GDNF: variants seen among roughly 807,000 people sequenced by gnomAD.
The protein encoded by GDNF is glial cell derived neurotrophic factor.
A neutral mutation model predicts 13.7 loss-of-function variants in GDNF; 5 were observed. The ratio of observed to expected loss-of-function variants is 0.36; its 90% confidence interval spans 0.19 to 0.77. GDNF has a LOEUF of 0.77. Among genes scored for constraint, GDNF ranks in the 30% least tolerant of loss-of-function variants. The probability of loss-of-function intolerance (pLI) is 0.51; values close to 1 mark genes in which losing one functional copy is unlikely to be tolerated. For synonymous variants in GDNF, 122 were observed against 112.5 expected, an observed-to-expected ratio of 1.08 and a Z score of -0.53; for missense variants, 246 against 274.3, an observed-to-expected ratio of 0.90 and a Z score of 0.73.
intron 2 of GDNF, among the ~76,000 whole-genome samples, chr5:37,822,825 T>C (rs1286980704): frequency 6.6e-6 from 1 of 152,198 alleles, no homozygotes; most frequent in African/African-American, 2.4e-5. Flanking sequence ...CAACTTAAAA[T>C]TGATACAACT....
chr5:37,821,694 C>T (rs999555467), intron 2 of GDNF, among the ~76,000 whole-genome samples: 1 of 152,088 alleles, frequency 6.6e-6, no homozygotes, highest in East Asian at 1.9e-4. Flanking sequence ...ACTCTGGGAA[C>T]AAACAGTTCA....
In GDNF at chr5:37,815,127, C is replaced by A. The variant is rs956727715; in HGVS notation, c.*524G>T. The A allele has an allele frequency of 1.9e-5, 3 of 157,280 alleles. No individual in the cohort carries two copies. Among genetic ancestry groups the A allele is most frequent in the African/African-American group, 7.2e-5 (3 of 41,458 alleles). 9.7% of individuals were successfully genotyped at this position (157,280 alleles called of 1,614,324 possible). A position where few individuals can be genotyped will look rare whatever the true frequency, so the allele number is the denominator to read the frequency against. On this transcript the variant is annotated 3_prime_UTR_variant, in exon 3 of 3. Coordinates refer to ENST00000326524, the MANE Select transcript of GDNF (RefSeq NM_000514.4). The surrounding 1 kb of genome is among the most constrained non-coding windows in gnomAD (Gnocchi z 5.0). ...TATCTTTGCTTTTTTTTTCCCCTCT[C>A]CTTTCCAGGGTATGTCTCCACTGAG...
At position 37,839,251 on chromosome 5, in the gene GDNF, C is replaced by A. The variant is rs1195951048; in HGVS notation, c.-27+256G>T. Among the ~76,000 whole-genome samples, 1 of 152,204 alleles carries A rather than the reference C, an allele frequency of 6.6e-6. No individual in the cohort carries two copies. The highest frequency in any genetic ancestry group is 6.5e-5 in the Admixed American group (1 of 15,286). The stretch of plus-strand genomic sequence containing the variant: ...CCCTCTTGGGCATTCCGGGTCCAGG[C>A]GCATCTGGGGCTCCACAGATCTTTG... On this transcript the variant is annotated intron_variant, in intron 1 of 2. Coordinates refer to ENST00000326524, the MANE Select transcript of GDNF (RefSeq NM_000514.4). The surrounding 1 kb of genome is among the most constrained non-coding windows in gnomAD (Gnocchi z 5.5).
In GDNF at chr5:37,836,664, A is replaced by G. The variant is rs2111730896; in HGVS notation, c.-26-1842T>C. Reference sequence around the variant, plus strand: ...TGGGGAACGCGAGCTTCCCCCCTCAAGCCCCCCGCCGGTGCCAGCTCCCGG... The same window carrying G: ...TGGGGAACGCGAGCTTCCCCCCTCAGGCCCCCCGCCGGTGCCAGCTCCCGG... On this transcript the variant is annotated intron_variant, in intron 1 of 2. Coordinates refer to ENST00000326524, the MANE Select transcript of GDNF (RefSeq NM_000514.4). Among the ~76,000 whole-genome samples the G allele has an allele frequency of 2.0e-5, 3 of 152,254 alleles. No homozygotes were observed. In the South Asian group the frequency reaches 6.2e-4, roughly 32 times the overall value.
intron 2 of GDNF, among the ~76,000 whole-genome samples, chr5:37,817,869 G>A (rs1252533781): frequency 6.6e-6 from 1 of 152,122 alleles, no homozygotes; most frequent in Non-Finnish European, 1.5e-5. Flanking sequence ...AGCACCCAGA[G>A]GGATACTTTA....
At position 37,838,780 on chromosome 5, in the gene GDNF, A is replaced by G. The variant is rs1750797028; in HGVS notation, c.-27+727T>C. Among the ~76,000 whole-genome samples the G allele has an allele frequency of 6.6e-6, 1 of 152,238 alleles. No homozygotes were observed. Among genetic ancestry groups the G allele is most frequent in the Admixed American group, 6.5e-5 (1 of 15,288 alleles). ...GTGTTTTTGGAAGGCGGCACAGAGT[A>G]CAGGAGAAAAAGGGGTCATTAAAAT... On this transcript the variant is annotated intron_variant, in intron 1 of 2. Transcript: ENST00000326524. This position sits in a 1 kb window ranked among gnomAD's most constrained non-coding sequence, Gnocchi z 4.1.
At chr5:37,816,945 T>C (rs1749952602) in intron 2 of GDNF, among the ~76,000 whole-genome samples, 1 of 152,258 alleles carries the variant, frequency 6.6e-6, no homozygotes, top group African/African-American at 2.4e-5. Flanking sequence ...TTGAACAGCA[T>C]GACTTTAACA....
intron 2 of GDNF, among the ~76,000 whole-genome samples, chr5:37,819,444 C>CTTTT (rs529362873): frequency 1.5e-4 from 19 of 126,210 alleles, no homozygotes; most frequent in South Asian, 5.2e-4. Context: ...GTGCTCTTTT[C>CTTTT]TTTTTTTTTT....
In GDNF at chr5:37,834,578, G is replaced by A. The variant is rs538828841; in HGVS notation, c.151+68C>T. On this transcript the variant is annotated intron_variant, in intron 2 of 2. Coordinates refer to ENST00000326524, the MANE Select transcript of GDNF (RefSeq NM_000514.4). ...CAGGCTGGCTTGGGGTACGTGCGGG[G>A]CTGGCTGCGGGTGGGGGTGCGAGGG... 5.3e-6 allele frequency: 7 copies of A among 1,317,918 alleles called. No homozygotes were observed. In the African/African-American group the frequency reaches 7.7e-5, roughly 15 times the overall value. 81.6% of individuals were successfully genotyped at this position (1,317,918 alleles called of 1,614,324 possible).
chr5:37,830,968 C>T (rs1750505017), intron 2 of GDNF, among the ~76,000 whole-genome samples: 1 of 152,212 alleles, frequency 6.6e-6, no homozygotes, highest in South Asian at 2.1e-4. Flanking sequence ...AGGGCAGAGA[C>T]TCTCACTTAG....
intron 2 of GDNF, among the ~76,000 whole-genome samples, chr5:37,818,917 C>T (rs567270631): frequency 4.0e-4 from 61 of 152,254 alleles, no homozygotes; most frequent in African/African-American, 1.3e-3. Context: ...ATCCAGATAC[C>T]CCTGCCCTGC....
At chr5:37,830,758 A>C (rs1750497125) in intron 2 of GDNF, among the ~76,000 whole-genome samples, 1 of 152,108 alleles carries the variant, frequency 6.6e-6, no homozygotes, top group Non-Finnish European at 1.5e-5. Context: ...AGACAGATTT[A>C]CTCTTATGCC....
chr5:37,834,553 C>G lies in GDNF; in HGVS notation c.151+93G>C, dbSNP rs1043084170. 1.4e-5 allele frequency: 17 copies of G among 1,179,060 alleles called. 1 individual carries two copies. In the South Asian group the frequency reaches 2.7e-4, roughly 19 times the overall value. The allele number at this position is 1,179,060 out of a possible 1,614,324, so 73.0% of individuals were successfully genotyped here. On this transcript the variant is annotated intron_variant, in intron 2 of 2. Transcript: ENST00000326524. ...ACGGGTCGGTAGGCCACACAGCCAT[C>G]AGGCTGGCTTGGGGTACGTGCGGGG...
chr5:37,815,477 G>C lies in GDNF; in HGVS notation c.*174C>G. 3.1e-6 allele frequency: 2 copies of C among 646,282 alleles called. No homozygotes were observed. The highest frequency in any genetic ancestry group is 5.5e-6 in the Non-Finnish European group (2 of 362,640). The allele number at this position is 646,282 out of a possible 1,614,324, so 40.0% of individuals were successfully genotyped here. A position where few individuals can be genotyped will look rare whatever the true frequency, so the allele number is the denominator to read the frequency against. On this transcript the variant is annotated 3_prime_UTR_variant, in exon 3 of 3. Transcript: ENST00000326524. The surrounding 1 kb of genome is among the most constrained non-coding windows in gnomAD (Gnocchi z 5.0). ...GGATCTCCCTCTACCAGGCTCCCAT[G>C]ATGGCTGCCTTCCTCCTCCTCCTCC...
chr5:37,814,022 C>G lies in GDNF; in HGVS notation c.*1629G>C, dbSNP rs1749819659. ...ATATAGGAGCAGCAGCTGTTGACCC[C>G]CGGTGACAGCCCAGGGGTTGTACAG... On this transcript the variant is annotated 3_prime_UTR_variant, in exon 3 of 3. Coordinates refer to ENST00000326524, the MANE Select transcript of GDNF (RefSeq NM_000514.4). 1 of 152,684 alleles carries G rather than the reference C, an allele frequency of 6.5e-6. No homozygotes were observed. 9.5% of individuals were successfully genotyped at this position (152,684 alleles called of 1,614,324 possible). A position where few individuals can be genotyped will look rare whatever the true frequency, so the allele number is the denominator to read the frequency against.
intron 2 of GDNF, among the ~76,000 whole-genome samples, chr5:37,818,722 C>T (rs13361833): frequency 0.12 from 17,604 of 152,080 alleles, 1,256 homozygotes; most frequent in East Asian, 0.22. Context: ...CCCTCTCTGC[C>T]TGGACCCTTG....
intron 2 of GDNF, among the ~76,000 whole-genome samples, chr5:37,826,790 G>GT (rs1750332871): frequency 6.6e-6 from 1 of 152,180 alleles, no homozygotes; most frequent in Non-Finnish European, 1.5e-5. Flanking sequence ...TCCTGCTGTG[G>GT]TTCTCCTTGC....
rs541394883 is a variant in GDNF at position 37,839,773 on chromosome 5, G to C, written c.-293C>G. 6.6e-6 allele frequency: 1 copy of C among 152,308 alleles called. No individual in the cohort carries two copies. Among genetic ancestry groups the C allele is most frequent in the South Asian group, 2.1e-4 (1 of 4,834 alleles). 9.4% of individuals were successfully genotyped at this position (152,308 alleles called of 1,614,324 possible). A position where few individuals can be genotyped will look rare whatever the true frequency, so the allele number is the denominator to read the frequency against. On this transcript the variant is annotated 5_prime_UTR_variant, in exon 1 of 3. Transcript: ENST00000326524. The surrounding 1 kb of genome is among the most constrained non-coding windows in gnomAD (Gnocchi z 5.5). ...CCCGCACCCCCAGAAGCCGAGGTCC[G>C]AGCAGCCGCCGCTGCTTTGGGTGGG...
chr5:37,820,299 A>G (rs960609215), intron 2 of GDNF, among the ~76,000 whole-genome samples: 6 of 152,230 alleles, frequency 3.9e-5, no homozygotes, highest in Non-Finnish European at 7.3e-5. Context: ...TATATGATAT[A>G]TAACTTTTTA....
Sources: allele counts gnomAD v4.1 joint callset (sites outside exome capture counted in the v4.1 genomes callset), GRCh38; gene constraint gnomAD v4.1.1; non-coding constraint Gnocchi (gnomAD v3.1); transcripts MANE v1.5; gene names NCBI Gene and HGNC (gene_info 2026-07-23, HGNC 2026-07-21).